Variants in SEMA3A observed in about 807,000 individuals in gnomAD.
The protein encoded by SEMA3A is semaphorin 3A.
SEMA3A carries 29 observed loss-of-function variants against 97.9 expected under a neutral mutation model. That is an observed-to-expected ratio of 0.30 (90% CI 0.22 to 0.40). SEMA3A has a LOEUF of 0.40. Among genes scored for constraint, SEMA3A ranks in the 10% least tolerant of loss-of-function variants. The pLI is 1.00. For missense variants in SEMA3A, 763 were observed against 951.3 expected (o/e 0.80, Z 2.60); for synonymous variants, 321 against 323.7 (o/e 0.99, Z 0.09).
intron 1 of SEMA3A, among the ~76,000 whole-genome samples, chr7:84,182,242 A>G (rs1797756311): frequency 6.6e-6 from 1 of 152,168 alleles, no homozygotes; most frequent in Non-Finnish European, 1.5e-5. Context: ...ATTCAGACTC[A>G]GAGACATATT....
intron 1 of SEMA3A, among the ~76,000 whole-genome samples, chr7:84,400,344 G>T (rs78402200): frequency 6.6e-6 from 1 of 152,092 alleles, no homozygotes; most frequent in Non-Finnish European, 1.5e-5. Flanking sequence ...CCCTTACCCA[G>T]AGAATATAAA....
At chr7:84,008,991 AG>A (rs1218086262) in intron 9 of SEMA3A, among the ~76,000 whole-genome samples, 1 of 152,216 alleles carries the variant, frequency 6.6e-6, no homozygotes, top group Non-Finnish European at 1.5e-5. Flanking sequence ...GGAGTATGAT[AG>A]GTAGCTATTA....
chr7:84,395,024 A>G (rs1279679078), intron 1 of SEMA3A, among the ~76,000 whole-genome samples: 2 of 152,114 alleles, frequency 1.3e-5, no homozygotes, highest in African/African-American at 4.8e-5. Context: ...AAAGCCTTGG[A>G]CATGCTTAAA....
intron 5 of SEMA3A, among the ~76,000 whole-genome samples, chr7:84,050,038 A>G (rs914887048): frequency 2.0e-5 from 3 of 151,584 alleles, no homozygotes; most frequent in African/African-American, 2.4e-5. Context: ...TACAAAGGAC[A>G]TGAACTCATC....
intron 1 of SEMA3A, among the ~76,000 whole-genome samples, chr7:84,421,782 T>A (rs1206113256): frequency 6.6e-6 from 1 of 150,974 alleles, no homozygotes; most frequent in South Asian, 2.1e-4. Context: ...AATCATGTGG[T>A]TTTTTTTGTT....
At chr7:84,163,060 C>A (rs1797090560) in intron 1 of SEMA3A, among the ~76,000 whole-genome samples, 1 of 152,050 alleles carries the variant, frequency 6.6e-6, no homozygotes, top group Non-Finnish European at 1.5e-5. Context: ...GGGTACTCTG[C>A]AAGATAAATA....
At chr7:84,343,579 G>A (rs1239725061) in intron 2 of SEMA3A, among the ~76,000 whole-genome samples, 1 of 152,158 alleles carries the variant, frequency 6.6e-6, no homozygotes, top group Non-Finnish European at 1.5e-5. Context: ...CTCTCTAAGG[G>A]AAATGTGTCT....
chr7:84,014,486 A>C, intron 6 of SEMA3A, 135 bp from the exon 7 acceptor site: 1 of 687,124 alleles, frequency 1.5e-6, no homozygotes, highest in Non-Finnish European at 2.4e-6. Context: ...TTCATTTTGT[A>C]GGTACATATT....
At position 83,974,766 on chromosome 7, in the gene SEMA3A, G is replaced by A. The variant is rs188935314; in HGVS notation, c.1717+2366C>T. On this transcript the variant is annotated intron_variant, in intron 15 of 16. Transcript: ENST00000265362. ...AATTTATGGTGTATATGGTTTATGT[G>A]TAGTCATTATCAAAACAAGCAGACA... Among the ~76,000 whole-genome samples the A allele has an allele frequency of 3.0e-4, 45 of 152,150 alleles. 1 individual carries two copies. The highest frequency in any genetic ancestry group is 2.5e-3 in the Admixed American group (38 of 15,264).
intron 1 of SEMA3A, among the ~76,000 whole-genome samples, chr7:84,478,149 C>A (rs569791094): frequency 2.0e-5 from 3 of 152,292 alleles, no homozygotes; most frequent in African/African-American, 7.2e-5. Context: ...CTCACACCTT[C>A]TAGTGTCAGT....
intron 1 of SEMA3A, among the ~76,000 whole-genome samples, chr7:84,169,542 C>T (rs1474824422): frequency 1.3e-5 from 2 of 148,210 alleles, no homozygotes; most frequent in Non-Finnish European, 3.0e-5. Flanking sequence ...TTATATAATA[C>T]TATATATAAT....
chr7:84,432,568 C>T, intron 1 of SEMA3A, among the ~76,000 whole-genome samples: 1 of 152,096 alleles, frequency 6.6e-6, no homozygotes, highest in East Asian at 1.9e-4. Context: ...TCTCCAGTGG[C>T]TATCATTGCC....
intron 4 of SEMA3A, among the ~76,000 whole-genome samples, chr7:84,101,776 A>G (rs1012617770): frequency 5.3e-5 from 8 of 152,144 alleles, no homozygotes; most frequent in Non-Finnish European, 1.0e-4. Context: ...ACTTTGTAGG[A>G]CTGAGCTGTC....
At chr7:84,052,502 G>C (rs182624973) in intron 5 of SEMA3A, among the ~76,000 whole-genome samples, 2 of 152,200 alleles carry the variant, frequency 1.3e-5, no homozygotes, top group African/African-American at 4.8e-5. Context: ...TTTGTGTAGA[G>C]GTGTTTGTAG....
At chr7:83,966,940 A>G (rs1051016829) in intron 15 of SEMA3A, among the ~76,000 whole-genome samples, 2 of 151,936 alleles carry the variant, frequency 1.3e-5, no homozygotes, top group East Asian at 3.9e-4. Context: ...TGAACTCCCG[A>G]CCTCAGGTGA....
chr7:84,349,811 T>G (rs1198411760), intron 2 of SEMA3A, among the ~76,000 whole-genome samples: 2 of 152,186 alleles, frequency 1.3e-5, no homozygotes, highest in African/African-American at 4.8e-5. Flanking sequence ...AGGTCTTTTT[T>G]TTCCACTTTT....
intron 2 of SEMA3A, among the ~76,000 whole-genome samples, chr7:84,311,203 C>G (rs971125228): frequency 6.6e-6 from 1 of 151,906 alleles, no homozygotes; most frequent in East Asian, 1.9e-4. Flanking sequence ...AGACATACAA[C>G]CAAAATATAA....
At chr7:84,222,219 G>A (rs758152984) in intron 3 of SEMA3A, among the ~76,000 whole-genome samples, 13 of 151,588 alleles carry the variant, frequency 8.6e-5, no homozygotes, top group Non-Finnish European at 1.8e-4. Context: ...AAATATAAAG[G>A]GAATTAAATT....
chr7:84,458,311 TTG>T (rs1805737035), intron 1 of SEMA3A, among the ~76,000 whole-genome samples: 1 of 152,020 alleles, frequency 6.6e-6, no homozygotes, highest in Non-Finnish European at 1.5e-5. Flanking sequence ...CAGCTTTTAT[TTG>T]TGTCTCTCTT....
Sources: gnomAD v4.1 joint callset for allele counts (sites outside exome capture counted in the v4.1 genomes callset) on GRCh38, gnomAD v4.1.1 for gene constraint, MANE v1.5 for transcripts, NCBI Gene and HGNC (gene_info 2026-07-23, HGNC 2026-07-21) for gene names.